RASEF: variants seen among roughly 807,000 people sequenced by gnomAD.
RASEF encodes the protein RAS and EF-hand domain containing.
RASEF carries 68 observed loss-of-function variants against 90.1 expected under a neutral mutation model. The ratio of observed to expected loss-of-function variants is 0.75; its 90% CI spans 0.62 to 0.92. The LOEUF is 0.92. Ranked by LOEUF, RASEF falls within the 40% of genes least tolerant of loss-of-function variation. The pLI, the probability that RASEF is intolerant of heterozygous loss-of-function variation, is 0.00. For missense variants in RASEF, 949 were observed against 937.2 expected (o/e 1.01, Z -0.16); for synonymous variants, 331 against 345.2 (o/e 0.96, Z 0.46).
chr9:82,993,828 G>A (rs1236742863), intron 14 of RASEF, among the ~76,000 whole-genome samples: 2 of 152,158 alleles, frequency 1.3e-5, no homozygotes, highest in African/African-American at 4.8e-5. Context: ...GGACCCACTG[G>A]CTGTGTGAGG....
the RASEF span, among the ~76,000 whole-genome samples, chr9:83,146,649 T>A: frequency 6.6e-6 from 1 of 152,172 alleles, no homozygotes; most frequent in East Asian, 1.9e-4. Flanking sequence ...TGACCGAAAT[T>A]TTCAAACTAA....
intron 1 of RASEF, among the ~76,000 whole-genome samples, chr9:83,049,087 G>A (rs1385454130): frequency 6.8e-6 from 1 of 148,146 alleles, no homozygotes; most frequent in African/African-American, 2.5e-5. Flanking sequence ...TCACACCACT[G>A]CACTCCAGCC....
intron 1 of RASEF, among the ~76,000 whole-genome samples, chr9:83,045,146 T>C (rs973253239): frequency 5.3e-5 from 8 of 152,212 alleles, no homozygotes; most frequent in African/African-American, 1.4e-4. Context: ...ATGGTATATA[T>C]ATAACACATA....
At chr9:83,083,824 TTTATTGCAATCC>T in the RASEF span, among the ~76,000 whole-genome samples, 1 of 152,246 alleles carries the variant, frequency 6.6e-6, no homozygotes, top group East Asian at 1.9e-4. Context: ...CTTAGCAATA[TTTATTGCAATCC>T]TTAAAAATGG....
the RASEF span, among the ~76,000 whole-genome samples, chr9:83,189,558 A>C: frequency 6.6e-6 from 1 of 152,228 alleles, no homozygotes; most frequent in Non-Finnish European, 1.5e-5. Flanking sequence ...TAAACCATGT[A>C]TTCTTTGAAA....
chr9:83,134,408 G>GCACACACA, the RASEF span, among the ~76,000 whole-genome samples: 1,918 of 135,938 alleles, frequency 0.014, 42 homozygotes, highest in East Asian at 0.039. Flanking sequence ...GATCACAATA[G>GCACACACA]CGCACACACA....
At chr9:83,062,152 C>T (rs1054920496) in intron 1 of RASEF, among the ~76,000 whole-genome samples, 1 of 152,164 alleles carries the variant, frequency 6.6e-6, no homozygotes, top group Admixed American at 6.5e-5. Flanking sequence ...TCGCGCGGGG[C>T]GCCAGCAGCT....
At chr9:83,163,633 C>T in the RASEF span, among the ~76,000 whole-genome samples, 1 of 152,102 alleles carries the variant, frequency 6.6e-6, no homozygotes, top group African/African-American at 2.4e-5. Flanking sequence ...AAGGGAAAAT[C>T]TCTGAGAATA....
chr9:83,183,485 A>T, the RASEF span, among the ~76,000 whole-genome samples: 1 of 152,198 alleles, frequency 6.6e-6, no homozygotes, highest in Non-Finnish European at 1.5e-5. Context: ...AAGGCACTGG[A>T]ATACTTTTGG....
chr9:83,057,948 A>G (rs1468259923), intron 1 of RASEF, among the ~76,000 whole-genome samples: 1 of 150,292 alleles, frequency 6.7e-6, no homozygotes, highest in Non-Finnish European at 1.5e-5. Flanking sequence ...AGCTGAGATC[A>G]AAGAGAAAAG....
At chr9:83,158,735 TAC>T in the RASEF span, among the ~76,000 whole-genome samples, 22 of 147,178 alleles carry the variant, frequency 1.5e-4, no homozygotes, top group African/African-American at 5.1e-4. Context: ...TATATTTATG[TAC>T]ATATACATAT....
At chr9:82,997,970 A>G (rs1828952004) in intron 13 of RASEF, among the ~76,000 whole-genome samples, 1 of 152,190 alleles carries the variant, frequency 6.6e-6, no homozygotes, top group Non-Finnish European at 1.5e-5. Context: ...CAAGTCTGCT[A>G]TGCGGTTTGT....
chr9:83,213,104 AAAAG>A, the RASEF span, among the ~76,000 whole-genome samples: 6 of 152,000 alleles, frequency 3.9e-5, no homozygotes, highest in Non-Finnish European at 5.9e-5. Flanking sequence ...AAAAAAAAAA[AAAAG>A]AAAGAAAACA....
At chr9:83,034,163 T>C (rs898729797) in intron 1 of RASEF, among the ~76,000 whole-genome samples, 2 of 152,212 alleles carry the variant, frequency 1.3e-5, no homozygotes, top group South Asian at 2.1e-4. Context: ...TTCCCACTAA[T>C]AGAGTTGCTT....
At chr9:83,192,549 C>T in the RASEF span, among the ~76,000 whole-genome samples, 1 of 152,018 alleles carries the variant, frequency 6.6e-6, no homozygotes, top group African/African-American at 2.4e-5. Context: ...ACACTGTGGC[C>T]TACCAGACAG....
At chr9:83,164,324 A>T in the RASEF span, among the ~76,000 whole-genome samples, 1 of 125,212 alleles carries the variant, frequency 8.0e-6, no homozygotes, top group Non-Finnish European at 1.7e-5. Flanking sequence ...AACGTATTCA[A>T]ATATATATAT....
intron 1 of RASEF, among the ~76,000 whole-genome samples, chr9:83,029,641 C>G (rs1014938131): frequency 1.3e-5 from 2 of 150,862 alleles, no homozygotes; most frequent in African/African-American, 4.9e-5. Flanking sequence ...AAACTCCTGA[C>G]CTCAGGTGAT....
chr9:83,192,164 A>G, the RASEF span, among the ~76,000 whole-genome samples: 388 of 152,318 alleles, frequency 2.5e-3, no homozygotes, highest in Non-Finnish European at 4.4e-3. Flanking sequence ...TCAAAGACCT[A>G]AAAACAGAAC....
the RASEF span, among the ~76,000 whole-genome samples, chr9:83,169,578 TTTTG>T: frequency 8.3e-3 from 1,256 of 151,854 alleles, 17 homozygotes; most frequent in African/African-American, 0.027. Context: ...TTTTTGTTTG[TTTTG>T]TTTGTTTGTT....
Sources: allele counts gnomAD v4.1 joint callset (sites outside exome capture counted in the v4.1 genomes callset), GRCh38; gene constraint gnomAD v4.1.1; transcripts MANE v1.5; gene names NCBI Gene and HGNC (gene_info 2026-07-23, HGNC 2026-07-21).